Variants in NCAM1 observed in about 807,000 individuals in gnomAD.
NCAM1 encodes neural cell adhesion molecule 1, also known as antigen recognized by monoclonal antibody 5.1H11.
In NCAM1, 14 loss-of-function variants were observed where a neutral mutation model predicts 109.8. The observed-to-expected ratio is 0.13, with a 90% confidence interval of 0.08 to 0.20. The LOEUF is 0.20. Ranked by LOEUF, NCAM1 falls within the 10% of genes least tolerant of loss-of-function variation. The pLI is 1.00. For synonymous variants in NCAM1, 418 were observed against 442.9 expected, an observed-to-expected ratio of 0.94 and a Z score of 0.70; for missense variants, 774 against 1,109.9, an observed-to-expected ratio of 0.70 and a Z score of 4.30.
chr11:112,994,995 A>G (rs1951555627), intron 1 of NCAM1, among the ~76,000 whole-genome samples: 1 of 152,160 alleles, frequency 6.6e-6, no homozygotes. Flanking sequence ...AGTTGATCAC[A>G]AGCTCAATAG....
At chr11:113,094,596 G>C (rs1939509174) in intron 1 of NCAM1, among the ~76,000 whole-genome samples, 1 of 152,124 alleles carries the variant, frequency 6.6e-6, no homozygotes. Flanking sequence ...CCCATGTCTG[G>C]GTGTCATTCC....
chr11:112,961,702 C>T, intron 1 of NCAM1, 38 bp downstream of exon 1: 1 of 1,264,772 alleles, frequency 7.9e-7, no homozygotes, highest in Non-Finnish European at 1.1e-6. Flanking sequence ...ATCTGGTTTG[C>T]TAATTACCCC....
At chr11:113,129,774 A>T (rs1026107947) in intron 1 of NCAM1, among the ~76,000 whole-genome samples, 1 of 152,224 alleles carries the variant, frequency 6.6e-6, no homozygotes, top group Admixed American at 6.5e-5. Flanking sequence ...AACATCCTGA[A>T]TAAAGAAGAT....
intron 17 of NCAM1, among the ~76,000 whole-genome samples, chr11:113,268,934 C>T (rs1050386085): frequency 2.4e-4 from 36 of 152,238 alleles, no homozygotes; most frequent in African/African-American, 8.4e-4. Flanking sequence ...TTCAGTTGGC[C>T]CTGAGAGCAC....
intron 1 of NCAM1, among the ~76,000 whole-genome samples, chr11:113,030,356 G>A (rs1349231120): frequency 6.6e-6 from 1 of 152,200 alleles, no homozygotes; most frequent in Non-Finnish European, 1.5e-5. Flanking sequence ...GTATTGGGGT[G>A]TACTTTAGGA....
At chr11:113,128,792 G>T (rs1208996686) in intron 1 of NCAM1, among the ~76,000 whole-genome samples, 3 of 152,154 alleles carry the variant, frequency 2.0e-5, no homozygotes, top group Non-Finnish European at 4.4e-5. Flanking sequence ...AGGAGAAGCT[G>T]CCAAGTGGGC....
At chr11:113,006,801 T>G (rs1190074127) in intron 1 of NCAM1, among the ~76,000 whole-genome samples, 2 of 152,140 alleles carry the variant, frequency 1.3e-5, no homozygotes, top group African/African-American at 4.8e-5. Flanking sequence ...ATTCCAGCCG[T>G]GGGACAGGTG....
chr11:113,184,208 G>A (rs1353999924), intron 1 of NCAM1, among the ~76,000 whole-genome samples: 4 of 152,310 alleles, frequency 2.6e-5, no homozygotes, highest in South Asian at 4.1e-4. Flanking sequence ...ATCTGTCCTT[G>A]GGACTCCATA....
intron 1 of NCAM1, among the ~76,000 whole-genome samples, chr11:113,006,785 T>C (rs1448302428): frequency 6.6e-6 from 1 of 152,208 alleles, no homozygotes; most frequent in Non-Finnish European, 1.5e-5. Flanking sequence ...TTCCGAGCTG[T>C]CACAGATTCC....
chr11:113,046,468 A>C (rs1448795010), intron 1 of NCAM1, among the ~76,000 whole-genome samples: 2 of 152,232 alleles, frequency 1.3e-5, no homozygotes, highest in African/African-American at 4.8e-5. Context: ...GACAACTCTC[A>C]GTTACCTTAA....
chr11:113,259,098 C>CTGGA (rs1565534742), intron 16 of NCAM1, among the ~76,000 whole-genome samples: 1 of 146,558 alleles, frequency 6.8e-6, no homozygotes, highest in African/African-American at 2.5e-5. Context: ...GTCGCCCAGG[C>CTGGA]TGGAGTGCAG....
intron 1 of NCAM1, among the ~76,000 whole-genome samples, chr11:113,090,474 A>G (rs782761594): frequency 4.6e-5 from 7 of 152,204 alleles, no homozygotes; most frequent in Admixed American, 2.6e-4. Context: ...TGAACTCTTG[A>G]ACTTGTAGGG....
intron 15 of NCAM1, among the ~76,000 whole-genome samples, chr11:113,248,964 C>T (rs578176362): frequency 6.6e-5 from 10 of 152,284 alleles, no homozygotes; most frequent in East Asian, 1.9e-4. Flanking sequence ...TCCACGGAGC[C>T]GTGGCTTTGT....
At chr11:112,993,349 C>G (rs1260158913) in intron 1 of NCAM1, among the ~76,000 whole-genome samples, 2 of 152,134 alleles carry the variant, frequency 1.3e-5, no homozygotes, top group Non-Finnish European at 2.9e-5. Context: ...CTTAAATGAC[C>G]AGATCTTGTG....
intron 15 of NCAM1, among the ~76,000 whole-genome samples, chr11:113,252,589 T>A (rs1466565613): frequency 2.0e-5 from 3 of 152,060 alleles, no homozygotes; most frequent in Admixed American, 2.0e-4. Context: ...AGTACACATC[T>A]GTTGAATAAA....
At chr11:113,016,886 G>A (rs190144091) in intron 1 of NCAM1, among the ~76,000 whole-genome samples, 4 of 152,268 alleles carry the variant, frequency 2.6e-5, no homozygotes, top group East Asian at 1.9e-4. Flanking sequence ...TGCATGCACC[G>A]GCAAAACATT....
chr11:113,235,503 C>T (rs113470469), intron 14 of NCAM1, among the ~76,000 whole-genome samples: 1,880 of 152,256 alleles, frequency 0.012, 42 homozygotes, highest in African/African-American at 0.042. Flanking sequence ...AGTTGCTTTT[C>T]GACAGGCCAC....
At chr11:113,055,547 C>T (rs1317938471) in intron 1 of NCAM1, among the ~76,000 whole-genome samples, 2 of 152,106 alleles carry the variant, frequency 1.3e-5, no homozygotes, top group African/African-American at 2.4e-5. Flanking sequence ...TTTCCCTTAA[C>T]ATATTCCTGC....
At chr11:113,057,352 G>A (rs1286907326) in intron 1 of NCAM1, among the ~76,000 whole-genome samples, 1 of 151,864 alleles carries the variant, frequency 6.6e-6, no homozygotes, top group Non-Finnish European at 1.5e-5. Flanking sequence ...ATGACATACT[G>A]TACATAAGAG....
Sources: gnomAD v4.1 joint callset for allele counts (sites outside exome capture counted in the v4.1 genomes callset) on GRCh38, gnomAD v4.1.1 for gene constraint, MANE v1.5 for transcripts, NCBI Gene and HGNC (gene_info 2026-07-23, HGNC 2026-07-21) for gene names.